DCAF1: variants seen among roughly 807,000 people sequenced by gnomAD.
The protein encoded by DCAF1 is DDB1 and CUL4 associated factor 1.
A neutral mutation model predicts 128.0 loss-of-function variants in DCAF1; 15 were observed. That is an observed-to-expected ratio of 0.12 (90% CI 0.08 to 0.18). DCAF1 has a LOEUF of 0.18. DCAF1 is among the 10% of genes least tolerant of loss of function. The pLI is 1.00. For missense variants in DCAF1, 988 were observed against 1,649.5 expected, an observed-to-expected ratio of 0.60 and a Z score of 6.95; for synonymous variants, 610 against 603.0, an observed-to-expected ratio of 1.01 and a Z score of -0.17.
At chr3:51,437,101 A>G (rs868983050) in intron 9 of DCAF1, among the ~76,000 whole-genome samples, 9 of 151,968 alleles carry the variant, frequency 5.9e-5, no homozygotes, top group African/African-American at 1.9e-4. Context: ...TGTCTCCACA[A>G]AAAATAAAAA....
At position 51,420,423 on chromosome 3, in the gene DCAF1, C is replaced by T. The variant is rs2107347893; in HGVS notation, c.2547G>A (p.Glu849=). 6.2e-7 allele frequency: 1 copy of T among 1,614,070 alleles called. No individual in the cohort carries two copies. Among genetic ancestry groups the T allele is most frequent in the Non-Finnish European group, 8.5e-7 (1 of 1,179,912 alleles). Residue 849 remains glutamate (E), a synonymous_variant, in exon 15 of 25, where the codon GAG becomes GAA. Coordinates refer to ENST00000684031, the MANE Select transcript of DCAF1 (RefSeq NM_001387579.1). The surrounding 1 kb of genome is among the most constrained non-coding windows in gnomAD (Gnocchi z 6.5). ...GATGGTTTCGTATCAACAAAAGCAG[C>T]TCTTTCTCAGGGAAGGAGATCCTTG... is the stretch of plus-strand genomic sequence containing the variant. The part of the protein sequence containing the change: ...AQSRISFPEK[E]LLLLIRNHLI...
At chr3:51,434,504 G>A (rs1047518733) in intron 9 of DCAF1, among the ~76,000 whole-genome samples, 12 of 152,272 alleles carry the variant, frequency 7.9e-5, no homozygotes, top group South Asian at 4.2e-4. Flanking sequence ...AGCAAAAACC[G>A]CAATTACTTT....
chr3:51,489,085 A>G lies in DCAF1; in HGVS notation c.-8-5249T>C, dbSNP rs115867468. On this transcript the variant is annotated intron_variant, in intron 2 of 24. Coordinates refer to ENST00000684031, the MANE Select transcript of DCAF1 (RefSeq NM_001387579.1). ...GTGAAAGACTGAAAGCTTTGCCCCAAAAATCGGAAACCAGACAACAATGTC... is the reference window on the plus strand; with the variant it reads ...GTGAAAGACTGAAAGCTTTGCCCCAGAAATCGGAAACCAGACAACAATGTC... Among the ~76,000 whole-genome samples the G allele has an allele frequency of 4.5e-3, 681 of 152,278 alleles. 3 individuals are homozygous for G. The highest frequency in any genetic ancestry group is 7.6e-3 in the Non-Finnish European group (515 of 68,016).
intron 3 of DCAF1, among the ~76,000 whole-genome samples, chr3:51,477,339 CT>C (rs1705592110): frequency 6.6e-6 from 1 of 151,452 alleles, no homozygotes; most frequent in African/African-American, 2.4e-5. Context: ...ACAAAAAACC[CT>C]AGAACTATTT....
chr3:51,486,291 C>T (rs563067770), intron 2 of DCAF1, among the ~76,000 whole-genome samples: 1 of 151,056 alleles, frequency 6.6e-6, no homozygotes, highest in South Asian at 2.1e-4. Flanking sequence ...CACCTGGGCT[C>T]AAGTGATCCT....
intron 13 of DCAF1, among the ~76,000 whole-genome samples, chr3:51,425,444 C>T (rs1301806816): frequency 6.6e-6 from 1 of 151,810 alleles, no homozygotes; most frequent in East Asian, 1.9e-4. Context: ...TGCACTCCAG[C>T]CTGGGCAACA....
chr3:51,433,585 C>T (rs1403882929), intron 9 of DCAF1, among the ~76,000 whole-genome samples: 1 of 151,448 alleles, frequency 6.6e-6, no homozygotes, highest in African/African-American at 2.4e-5. Context: ...CCTCAGCCTC[C>T]CAAGCAGCTA....
intron 23 of DCAF1, among the ~76,000 whole-genome samples, chr3:51,407,050 G>T (rs571813466): frequency 1.3e-5 from 2 of 151,952 alleles, no homozygotes; most frequent in South Asian, 4.2e-4. Context: ...AAATTAGTCG[G>T]GTGTGGTGGC....
chr3:51,427,603 T>C (rs1700013467), intron 12 of DCAF1, 62 bp from the exon 13 acceptor site: 1 of 475,698 alleles, frequency 2.1e-6, no homozygotes, highest in East Asian at 3.4e-5. Context: ...TACTACCTCC[T>C]TGAGCACAGC....
chr3:51,463,279 T>A, intron 5 of DCAF1, 52 bp from the exon 6 acceptor site: 1 of 1,236,364 alleles, frequency 8.1e-7, no homozygotes, highest in Non-Finnish European at 1.1e-6. Flanking sequence ...CCCAGTCAAA[T>A]TAAGGACATC....
intron 6 of DCAF1, among the ~76,000 whole-genome samples, chr3:51,454,866 G>T (rs1702732013): frequency 1.3e-5 from 2 of 150,834 alleles, no homozygotes; most frequent in South Asian, 2.1e-4. Context: ...GTAGAGACGG[G>T]GTTTCACTGT....
intron 3 of DCAF1, 82 bp downstream of exon 3, chr3:51,483,637 G>GTGTGTGTGTGTA (rs1577301905): frequency 3.5e-6 from 3 of 863,732 alleles, no homozygotes; most frequent in East Asian, 5.0e-5. Context: ...GTGTGTGTGT[G>GTGTGTGTGTGTA]TGTGTGTGTA....
At chr3:51,447,195 T>C (rs1371148397) in intron 6 of DCAF1, among the ~76,000 whole-genome samples, 12 of 151,406 alleles carry the variant, frequency 7.9e-5, no homozygotes, top group African/African-American at 2.9e-4. Context: ...TCACTTGAGG[T>C]CAGGAGTTCG....
chr3:51,483,911 G>A, intron 2 of DCAF1, 75 bp from the exon 3 acceptor site: 2 of 1,021,984 alleles, frequency 2.0e-6, no homozygotes, highest in Non-Finnish European at 1.5e-6. Flanking sequence ...AGAAGGGGTA[G>A]AAAAGGACGA....
chr3:51,401,197 G>A (rs1553624813), intron 24 of DCAF1, among the ~76,000 whole-genome samples: 1 of 149,632 alleles, frequency 6.7e-6, no homozygotes, highest in African/African-American at 2.4e-5. Flanking sequence ...CCAGGGCTCT[G>A]CATCTGCAAT....
intron 4 of DCAF1, among the ~76,000 whole-genome samples, chr3:51,467,489 G>C (rs1559548308): frequency 6.6e-6 from 1 of 152,008 alleles, no homozygotes; most frequent in African/African-American, 2.4e-5. Context: ...TCACACACCG[G>C]GGACTGTTGT....
intron 9 of DCAF1, chr3:51,440,295 C>T (rs1270091367): frequency 5.5e-6 from 2 of 361,516 alleles, no homozygotes; most frequent in Admixed American, 7.9e-5. Flanking sequence ...TGCTAAAACA[C>T]ACAGGCACAT....
At chr3:51,499,279 G>A (rs1375570384) in intron 1 of DCAF1, among the ~76,000 whole-genome samples, 1 of 152,190 alleles carries the variant, frequency 6.6e-6, no homozygotes. Flanking sequence ...TGCGGGACCC[G>A]CACACCTCTC....
chr3:51,471,062 A>C (rs782612808), intron 3 of DCAF1, 57 bp from the exon 4 acceptor site: 10 of 1,015,410 alleles, frequency 9.8e-6, no homozygotes, highest in Non-Finnish European at 1.4e-5. Context: ...ATGGACCACC[A>C]CTACAACAGT....
Sources: gnomAD v4.1 joint callset for allele counts (sites outside exome capture counted in the v4.1 genomes callset) on GRCh38, gnomAD v4.1.1 for gene constraint, Gnocchi (gnomAD v3.1) non-coding constraint, MANE v1.5 for transcripts, NCBI Gene and HGNC (gene_info 2026-07-23, HGNC 2026-07-21) for gene names.